EPC2: variants seen among roughly 807,000 people sequenced by gnomAD.
The protein encoded by EPC2 is enhancer of polycomb 2.
EPC2 carries 14 observed loss-of-function variants against 92.1 expected under a neutral mutation model. The observed-to-expected ratio is 0.15, with a 90% confidence interval of 0.10 to 0.24. EPC2 has a LOEUF of 0.24. EPC2 is among the 10% of genes least tolerant of loss of function. EPC2 has a pLI of 1.00. For synonymous variants in EPC2, 340 were observed against 334.7 expected (o/e 1.02, Z -0.17); for missense variants, 755 against 971.5 (o/e 0.78, Z 2.96).
chr2:148,678,221 G>C lies in EPC2; in HGVS notation c.154-11993G>C, dbSNP rs554375571. Among the ~76,000 whole-genome samples the C allele has an allele frequency of 3.2e-4, 49 of 152,234 alleles. 1 individual carries two copies. Among genetic ancestry groups the C allele is most frequent in the African/African-American group, 1.1e-3 (45 of 41,542 alleles). ...TTGAGCTAGACACAGGGTGCTGATT[G>C]GTGTGTTTACAAACCTTGAGCTAGA... On this transcript the variant is annotated intron_variant, in intron 1 of 13. Transcript: ENST00000258484.
chr2:148,701,538 A>T (rs1303837945), intron 2 of EPC2, among the ~76,000 whole-genome samples: 2 of 152,184 alleles, frequency 1.3e-5, no homozygotes, highest in African/African-American at 4.8e-5. Flanking sequence ...TCTTTAGTCG[A>T]TGAAGTGGAT....
Position 148,739,813 on chromosome 2 carries a change from C to CTTT in EPC2, c.314-3809_314-3808insTTT, listed in dbSNP as rs1682841319. On this transcript the variant is annotated intron_variant, in intron 2 of 13. Transcript: ENST00000258484. ...TTCGCTTATTTTTCTTTTCTTTCTT[C>CTTT]CTTTTCTTTTCTTCTTCTTCTTTTT... is the stretch of plus-strand genomic sequence containing the variant. Among the ~76,000 whole-genome samples, 4 of 138,962 alleles carry CTTT rather than the reference C, an allele frequency of 2.9e-5. No individual in the cohort carries two copies. The South Asian group carries it at 9.6e-4, about 33-fold the overall frequency. The allele number at this position is 138,962 out of a possible 152,430, so 91.2% of individuals were successfully genotyped here.
intron 2 of EPC2, among the ~76,000 whole-genome samples, chr2:148,700,935 A>T (rs569120653): frequency 1.3e-5 from 2 of 152,034 alleles, no homozygotes; most frequent in South Asian, 2.1e-4. Flanking sequence ...GCATTTTTTT[A>T]TTTCTTTCAT....
intron 3 of EPC2, among the ~76,000 whole-genome samples, chr2:148,745,976 G>C (rs1007898448): frequency 3.3e-5 from 5 of 151,950 alleles, no homozygotes; most frequent in Admixed American, 6.6e-5. Flanking sequence ...TATTTGATTT[G>C]TGCTCTCATG....
intron 2 of EPC2, among the ~76,000 whole-genome samples, chr2:148,723,556 G>A (rs1258609303): frequency 6.6e-6 from 1 of 152,174 alleles, no homozygotes; most frequent in African/African-American, 2.4e-5. Context: ...TGGGTGCGAT[G>A]CTTTTGCCTT....
intron 1 of EPC2, among the ~76,000 whole-genome samples, chr2:148,681,356 T>C (rs943349650): frequency 1.3e-5 from 2 of 152,060 alleles, no homozygotes; most frequent in Non-Finnish European, 2.9e-5. Flanking sequence ...GGGATTGTTA[T>C]TGGGGGAGGG....
At chr2:148,646,687 A>G (rs1022526900) in intron 1 of EPC2, among the ~76,000 whole-genome samples, 1 of 152,102 alleles carries the variant, frequency 6.6e-6, no homozygotes. Flanking sequence ...ATAGTTAATT[A>G]CATTGAACCC....
At chr2:148,762,207 A>G in intron 5 of EPC2, 1 of 226,604 alleles carries the variant, frequency 4.4e-6, no homozygotes, top group South Asian at 9.2e-5. Context: ...AAAGAACTCT[A>G]GTGATCATAT....
intron 2 of EPC2, among the ~76,000 whole-genome samples, chr2:148,703,662 G>T (rs1558814443): frequency 6.6e-6 from 1 of 152,032 alleles, no homozygotes; most frequent in Non-Finnish European, 1.5e-5. Context: ...CTGAGTAGCT[G>T]GGACTACAGC....
At chr2:148,648,487 A>G (rs554366837) in intron 1 of EPC2, among the ~76,000 whole-genome samples, 7 of 152,186 alleles carry the variant, frequency 4.6e-5, no homozygotes, top group Non-Finnish European at 8.8e-5. Flanking sequence ...CCTTATTTTT[A>G]TAAGATTTTT....
chr2:148,662,324 C>T (rs1680954258), intron 1 of EPC2, among the ~76,000 whole-genome samples: 3 of 152,078 alleles, frequency 2.0e-5, no homozygotes, highest in Non-Finnish European at 1.5e-5. Context: ...TGGGTATATA[C>T]CCAAAGGATT....
intron 1 of EPC2, among the ~76,000 whole-genome samples, chr2:148,669,872 TTCAGTCTTGTTAGGAACAGGCATTG>T: frequency 6.6e-6 from 1 of 152,180 alleles, no homozygotes. Context: ...TTTGAGGTTT[TTCAGTCTTGTTAGGAACAGGCATTG>T]TGTTCCCTCA....
At chr2:148,742,056 A>G (rs1682888874) in intron 2 of EPC2, among the ~76,000 whole-genome samples, 2 of 152,296 alleles carry the variant, frequency 1.3e-5, no homozygotes, top group East Asian at 1.9e-4. Context: ...GTCAGTATAC[A>G]TGGGTCAATG....
In EPC2 at chr2:148,698,928, CA is replaced by C. The variant is rs1681815052; in HGVS notation, c.313+8556del. ...GACTGTCATAGAGTAAGCATTTTTC[CA>C]TTGTAATCAAATAATTTTAATAGTC... On this transcript the variant is annotated intron_variant, in intron 2 of 13. Transcript: ENST00000258484. 2.7e-5 allele frequency among the ~76,000 whole-genome samples: 4 copies of C among 150,060 alleles called. No individual in the cohort carries two copies. The South Asian group carries it at 8.4e-4, about 31-fold the overall frequency.
chr2:148,750,720 G>A (rs553746090), intron 3 of EPC2, among the ~76,000 whole-genome samples: 1 of 152,166 alleles, frequency 6.6e-6, no homozygotes. Flanking sequence ...GTTTTGAGCT[G>A]TGGTCATTCA....
chr2:148,680,338 G>C (rs1243872410), intron 1 of EPC2, among the ~76,000 whole-genome samples: 1 of 152,164 alleles, frequency 6.6e-6, no homozygotes, highest in African/African-American at 2.4e-5. Context: ...CTCTGACTAG[G>C]TGAGTTTCTT....
Position 148,757,239 on chromosome 2 carries a change from G to A in EPC2, c.666+3106G>A, listed in dbSNP as rs183791448. On this transcript the variant is annotated intron_variant, in intron 4 of 13. Transcript: ENST00000258484. ...AAAATACAAAAAATTAGCTGGGCGTGGTGGCAGGTGCCTGTACTCCCAGCT... is the reference window on the plus strand; with the variant it reads ...AAAATACAAAAAATTAGCTGGGCGTAGTGGCAGGTGCCTGTACTCCCAGCT... Among the ~76,000 whole-genome samples the A allele has an allele frequency of 4.2e-3, 640 of 152,244 alleles. 4 individuals carry two copies. Among genetic ancestry groups the A allele is most frequent in the African/African-American group, 0.014 (593 of 41,554 alleles).
At chr2:148,674,962 A>G (rs1444134995) in intron 1 of EPC2, among the ~76,000 whole-genome samples, 2 of 152,172 alleles carry the variant, frequency 1.3e-5, no homozygotes, top group African/African-American at 2.4e-5. Flanking sequence ...TTTTCTTGGA[A>G]TATAGTTTTA....
intron 1 of EPC2, among the ~76,000 whole-genome samples, chr2:148,663,458 C>G (rs1228770515): frequency 1.3e-5 from 2 of 151,262 alleles, no homozygotes; most frequent in Non-Finnish European, 2.9e-5. Context: ...GACCTCGTGA[C>G]CCACCCGCCT....
Sources: allele counts gnomAD v4.1 joint callset (sites outside exome capture counted in the v4.1 genomes callset), GRCh38; gene constraint gnomAD v4.1.1; transcripts MANE v1.5; gene names NCBI Gene and HGNC (gene_info 2026-07-23, HGNC 2026-07-21).